Variants in FBXO42 observed in about 807,000 individuals in gnomAD.
FBXO42 encodes F-box protein 42.
FBXO42 carries 12 observed loss-of-function variants against 71.7 expected under a neutral mutation model. That is an observed-to-expected ratio of 0.17 (90% CI 0.11 to 0.27). FBXO42 has a LOEUF of 0.27. Ranked by LOEUF, FBXO42 falls within the 10% of genes least tolerant of loss-of-function variation. FBXO42 has a pLI of 1.00. For synonymous variants in FBXO42, 325 were observed against 327.5 expected, an observed-to-expected ratio of 0.99 and a Z score of 0.08; for missense variants, 707 against 911.9, an observed-to-expected ratio of 0.78 and a Z score of 2.89.
intron 4 of FBXO42, among the ~76,000 whole-genome samples, chr1:16,259,511 C>T (rs192847392): frequency 2.2e-3 from 339 of 152,152 alleles, no homozygotes; most frequent in African/African-American, 7.8e-3. Flanking sequence ...CACCTGTAAT[C>T]CCAGCACTTT....
intron 1 of FBXO42, among the ~76,000 whole-genome samples, chr1:16,336,091 C>A (rs1011274901): frequency 6.6e-6 from 1 of 151,068 alleles, no homozygotes; most frequent in Admixed American, 6.6e-5. Context: ...GCGCCTGCCA[C>A]CATGCCCGGC....
At chr1:16,319,727 A>G (rs561733014) in intron 1 of FBXO42, among the ~76,000 whole-genome samples, 6 of 152,110 alleles carry the variant, frequency 3.9e-5, no homozygotes, top group African/African-American at 1.4e-4. Context: ...CCTGGCCAAT[A>G]TGGTGAAACT....
chr1:16,348,811 G>A (rs993856838), intron 1 of FBXO42, among the ~76,000 whole-genome samples: 1 of 152,166 alleles, frequency 6.6e-6, no homozygotes, highest in African/African-American at 2.4e-5. Context: ...GGAAAAAGGA[G>A]ACAGTACTAA....
chr1:16,329,162 C>CA (rs1221377687), intron 1 of FBXO42, among the ~76,000 whole-genome samples: 4,646 of 59,682 alleles, frequency 0.078, 167 homozygotes, highest in Non-Finnish European at 0.088. Flanking sequence ...GACTCTGTCT[C>CA]AAAAAAAAAA....
chr1:16,258,282 T>C (rs748817529), intron 4 of FBXO42, among the ~76,000 whole-genome samples: 2 of 152,160 alleles, frequency 1.3e-5, no homozygotes, highest in Non-Finnish European at 2.9e-5. Flanking sequence ...TACGATTTAC[T>C]GAGAAGGCAT....
At chr1:16,346,950 G>A (rs1356038408) in intron 1 of FBXO42, among the ~76,000 whole-genome samples, 1 of 150,934 alleles carries the variant, frequency 6.6e-6, no homozygotes, top group African/African-American at 2.4e-5. Flanking sequence ...TCACCATGTT[G>A]GCCAAGCTGG....
chr1:16,338,224 G>GCA (rs1046264270), intron 1 of FBXO42, among the ~76,000 whole-genome samples: 1 of 151,656 alleles, frequency 6.6e-6, no homozygotes, highest in Non-Finnish European at 1.5e-5. Context: ...ATGCTCCACT[G>GCA]CACTCCAGCC....
At position 16,332,546 on chromosome 1, in the gene FBXO42, T is replaced by G. The variant is rs542064188; in HGVS notation, c.-17-17111A>C. ...GTTTCAACTAATGAATTTCTTTTCC[T>G]TTTTTTTTTTTTTGAGACGGAGTTG... On this transcript the variant is annotated intron_variant, in intron 1 of 9. Coordinates refer to ENST00000375592, the MANE Select transcript of FBXO42 (RefSeq NM_018994.3). 7.7e-3 allele frequency among the ~76,000 whole-genome samples: 624 copies of G among 80,708 alleles called. 6 individuals carry two copies. The highest frequency in any genetic ancestry group is 0.012 in the Non-Finnish European group (349 of 28,488). 52.9% of individuals were successfully genotyped at this position (80,708 alleles called of 152,430 possible).
At chr1:16,288,597 G>A (rs1254365713) in intron 4 of FBXO42, among the ~76,000 whole-genome samples, 1 of 151,846 alleles carries the variant, frequency 6.6e-6, no homozygotes, top group Admixed American at 6.6e-5. Context: ...CACCATCAAC[G>A]TAGCTGTATA....
intron 3 of FBXO42, among the ~76,000 whole-genome samples, chr1:16,295,980 A>C (rs1359022641): frequency 2.0e-5 from 3 of 152,198 alleles, no homozygotes; most frequent in Non-Finnish European, 4.4e-5. Flanking sequence ...GATCTCTAAA[A>C]AAAGCCTTCT....
chr1:16,313,227 GA>G (rs1557597774), intron 2 of FBXO42, among the ~76,000 whole-genome samples: 1 of 150,970 alleles, frequency 6.6e-6, no homozygotes, highest in Non-Finnish European at 1.5e-5. Flanking sequence ...ATCGATCTAA[GA>G]TTGTGAGTAC....
rs148436012 is a variant in FBXO42 at position 16,318,247 on chromosome 1, G to A, written c.-17-2812C>T. ...CAGCATGGCCAGCATGGTGAAACCC[G>A]TCTCTACTAAAAACACAAAAATTAG... On this transcript the variant is annotated intron_variant, in intron 1 of 9. Transcript: ENST00000375592. Among the ~76,000 whole-genome samples, 785 of 152,066 alleles carry A rather than the reference G, an allele frequency of 5.2e-3. 9 individuals are homozygous for A. Among genetic ancestry groups the A allele is most frequent in the African/African-American group, 0.018 (748 of 41,498 alleles).
At chr1:16,255,389 C>A (rs1283570260) in intron 6 of FBXO42, among the ~76,000 whole-genome samples, 3 of 150,480 alleles carry the variant, frequency 2.0e-5, no homozygotes, top group Non-Finnish European at 4.4e-5. Flanking sequence ...GGCTGGAATG[C>A]AATGGGGTGA....
At chr1:16,339,227 C>T (rs1380337797) in intron 1 of FBXO42, among the ~76,000 whole-genome samples, 2 of 152,178 alleles carry the variant, frequency 1.3e-5, no homozygotes, top group African/African-American at 4.8e-5. Context: ...TCATTTCCTA[C>T]TCCATTCCAC....
intron 8 of FBXO42, 56 bp downstream of exon 8, chr1:16,253,040 C>T (rs371407854): frequency 2.7e-6 from 4 of 1,477,508 alleles, no homozygotes; most frequent in East Asian, 2.3e-5. Flanking sequence ...ACAGGGGAAA[C>T]AGGTTTTGAA....
rs1048434540 is a variant in FBXO42, at chr1:16,248,056, C to T, written c.*2614G>A. On this transcript the variant is annotated 3_prime_UTR_variant, in exon 10 of 10. Coordinates refer to ENST00000375592, the MANE Select transcript of FBXO42 (RefSeq NM_018994.3). The stretch of plus-strand genomic sequence containing the variant: ...TCCTGAGGGTTAAAAAAAATTTAGT[C>T]TCATTTTTCTCAGTGAATTTTAAGA... The T allele has an allele frequency of 6.6e-6, 1 of 152,190 alleles. No individual in the cohort carries two copies. The highest frequency in any genetic ancestry group is 1.9e-4 in the East Asian group (1 of 5,200). The allele number at this position is 152,190 out of a possible 1,614,324, so 9.4% of individuals were successfully genotyped here.
intron 4 of FBXO42, among the ~76,000 whole-genome samples, chr1:16,264,252 CAT>C (rs1367976078): frequency 2.0e-5 from 3 of 152,316 alleles, no homozygotes; most frequent in East Asian, 1.9e-4. Context: ...TTAAAACACA[CAT>C]ATCTTCCACA....
rs1209126456 is a variant in FBXO42, at chr1:16,255,940, A to G, written c.657-119T>C. ...TCACTTTCAGCAGAGATTTGTTGGGATAATAAGTAGAGGATGGCATAATGT... is the reference window on the plus strand; with the variant it reads ...TCACTTTCAGCAGAGATTTGTTGGGGTAATAAGTAGAGGATGGCATAATGT... On this transcript the variant is annotated intron_variant, in intron 5 of 9. Coordinates refer to ENST00000375592, the MANE Select transcript of FBXO42 (RefSeq NM_018994.3). 8.4e-6 allele frequency: 6 copies of G among 710,436 alleles called. No individual in the cohort carries two copies. In the East Asian group the frequency reaches 1.4e-4, roughly 16 times the overall value. 44.0% of individuals were successfully genotyped at this position (710,436 alleles called of 1,614,324 possible).
Position 16,250,997 on chromosome 1 carries a change from T to A in FBXO42, c.1827A>T (p.Gly609=). 6.2e-7 allele frequency: 1 copy of A among 1,614,178 alleles called. No homozygotes were observed. Among genetic ancestry groups the A allele is most frequent in the Non-Finnish European group, 8.5e-7 (1 of 1,180,024 alleles). The change falls in exon 10 of 10, where the codon GGA becomes GGT. Residue 609 remains glycine, a synonymous_variant. Transcript: ENST00000375592. The surrounding 1 kb of genome is among the most constrained non-coding windows in gnomAD (Gnocchi z 4.7). ...CAATGGGAGGTAAGGAATGTCCATC[T>A]CCTTGGGCAGGCCCTGGGCGAGGGA... ...VPIPRPGPAQ[G]DGHSLPPIAR...
Sources: gnomAD v4.1 joint callset for allele counts (sites outside exome capture counted in the v4.1 genomes callset) on GRCh38, gnomAD v4.1.1 for gene constraint, Gnocchi (gnomAD v3.1) non-coding constraint, MANE v1.5 for transcripts, NCBI Gene and HGNC (gene_info 2026-07-23, HGNC 2026-07-21) for gene names.